The following SLC44A5 variants were observed in gnomAD, a reference collection of about 807,000 sequenced individuals.
SLC44A5 encodes the protein choline transporter-like protein 5.
In SLC44A5, 57 loss-of-function variants were observed where a neutral mutation model predicts 101.8. The observed-to-expected ratio is 0.56, with a 90% CI of 0.45 to 0.70. The LOEUF is 0.70. Ranked by LOEUF, SLC44A5 falls within the 30% of genes least tolerant of loss-of-function variation. The pLI is 0.00. For missense variants in SLC44A5, 737 were observed against 853.1 expected (o/e 0.86, Z 1.70); for synonymous variants, 281 against 290.9 (o/e 0.97, Z 0.35).
At chr1:75,443,234 TAAG>T (rs938024627) in intron 2 of SLC44A5, among the ~76,000 whole-genome samples, 1 of 151,804 alleles carries the variant, frequency 6.6e-6, no homozygotes, top group Non-Finnish European at 1.5e-5. Flanking sequence ...GCTTTGAACT[TAAG>T]AAGTCAGAAA....
At chr1:75,713,330 T>G in the SLC44A5 span, among the ~76,000 whole-genome samples, 1 of 152,230 alleles carries the variant, frequency 6.6e-6, no homozygotes, top group East Asian at 1.9e-4. Flanking sequence ...AGTCTCCAAC[T>G]ATTTCCTCCA....
chr1:75,230,656 G>A (rs1647469672), intron 12 of SLC44A5, among the ~76,000 whole-genome samples: 1 of 147,680 alleles, frequency 6.8e-6, no homozygotes, highest in Non-Finnish European at 1.5e-5. Context: ...TTATTCTGTT[G>A]CCCAGGCTGG....
intron 6 of SLC44A5, among the ~76,000 whole-genome samples, chr1:75,264,695 G>A (rs892756494): frequency 1.3e-5 from 2 of 151,782 alleles, no homozygotes; most frequent in African/African-American, 4.8e-5. Flanking sequence ...ATAAAAGTAC[G>A]AAGACAATCT....
At chr1:75,613,654 A>C (rs1277789667), upstream of SLC44A5, among the ~76,000 whole-genome samples, 1 of 152,236 alleles carries the variant, frequency 6.6e-6, no homozygotes, top group African/African-American at 2.4e-5. Context: ...AGAAAACCTT[A>C]TTTTTAAAGT....
chr1:75,703,203 A>G, the SLC44A5 span, among the ~76,000 whole-genome samples: 1 of 151,646 alleles, frequency 6.6e-6, no homozygotes, highest in African/African-American at 2.4e-5. Context: ...ATGAAGACAC[A>G]TGCACACATA....
intron 2 of SLC44A5, among the ~76,000 whole-genome samples, chr1:75,537,033 A>AATATATATATATATATATATAT (rs61399659): frequency 1.2e-4 from 5 of 43,036 alleles, no homozygotes; most frequent in African/African-American, 2.7e-4. Flanking sequence ...AAAAAAAAAA[A>AATATATATATATATATATATAT]ATATATATCT....
intron 6 of SLC44A5, among the ~76,000 whole-genome samples, chr1:75,260,198 T>C (rs985248205): frequency 3.3e-5 from 5 of 152,118 alleles, no homozygotes; most frequent in Non-Finnish European, 7.3e-5. Flanking sequence ...TAAATGTAAA[T>C]GGGCTAACTG....
chr1:75,438,452 C>A (rs544014572), intron 2 of SLC44A5, among the ~76,000 whole-genome samples: 4 of 152,194 alleles, frequency 2.6e-5, no homozygotes, highest in South Asian at 2.1e-4. Flanking sequence ...ATCTCTATAA[C>A]CACCACCAAA....
chr1:75,242,116 T>C (rs549376700), intron 8 of SLC44A5, 55 bp from the exon 9 acceptor site: 7 of 1,398,234 alleles, frequency 5.0e-6, no homozygotes, highest in Middle Eastern at 1.8e-4. Context: ...GATTACTTTA[T>C]ACTGAATCTA....
intron 2 of SLC44A5, among the ~76,000 whole-genome samples, chr1:75,420,145 G>A (rs375866759): frequency 1.2e-4 from 18 of 152,032 alleles, no homozygotes; most frequent in African/African-American, 4.1e-4. Context: ...ATCTATAAAC[G>A]AGGAAACAGG....
At chr1:75,449,965 C>T (rs1388403241) in intron 2 of SLC44A5, among the ~76,000 whole-genome samples, 1 of 152,060 alleles carries the variant, frequency 6.6e-6, no homozygotes, top group Non-Finnish European at 1.5e-5. Context: ...CATGCCACTG[C>T]ACTCCAGCCT....
chr1:75,498,222 C>T (rs1032052387), intron 2 of SLC44A5, among the ~76,000 whole-genome samples: 1 of 152,046 alleles, frequency 6.6e-6, no homozygotes, highest in Non-Finnish European at 1.5e-5. Flanking sequence ...TTCTTAAAAC[C>T]TGGTTTTAGG....
chr1:75,275,066 T>C, intron 5 of SLC44A5, 24 bp from the exon 6 acceptor site: 1 of 1,599,060 alleles, frequency 6.3e-7, no homozygotes. Flanking sequence ...AAAGGACAAA[T>C]ATGCTATCAG....
At chr1:75,695,628 G>A in the SLC44A5 span, among the ~76,000 whole-genome samples, 2 of 151,102 alleles carry the variant, frequency 1.3e-5, no homozygotes, top group African/African-American at 4.8e-5. Flanking sequence ...TACTAAATTT[G>A]TAGGGAAACA....
intron 6 of SLC44A5, among the ~76,000 whole-genome samples, chr1:75,260,511 C>A (rs1650400889): frequency 6.6e-6 from 1 of 151,942 alleles, no homozygotes; most frequent in South Asian, 2.1e-4. Flanking sequence ...ACAGGAACAC[C>A]CAGATTATAA....
chr1:75,579,603 C>T (rs1454273961), intron 1 of SLC44A5, among the ~76,000 whole-genome samples: 1 of 152,008 alleles, frequency 6.6e-6, no homozygotes, highest in Non-Finnish European at 1.5e-5. Context: ...TTGCTTGAAC[C>T]CAATGCATTT....
At chr1:75,320,243 T>C (rs907578963) in intron 4 of SLC44A5, among the ~76,000 whole-genome samples, 18 of 151,976 alleles carry the variant, frequency 1.2e-4, no homozygotes, top group Non-Finnish European at 2.2e-4. Context: ...GAGAATGGTA[T>C]CAAACTATAT....
At chr1:75,548,562 T>G (rs1022368422) in intron 1 of SLC44A5, among the ~76,000 whole-genome samples, 1 of 152,150 alleles carries the variant, frequency 6.6e-6, no homozygotes, top group Non-Finnish European at 1.5e-5. Context: ...CAAGTAACCA[T>G]GTCAAGAAAT....
intron 3 of SLC44A5, among the ~76,000 whole-genome samples, chr1:75,376,554 C>A (rs985884215): frequency 1.3e-5 from 2 of 151,978 alleles, no homozygotes; most frequent in Non-Finnish European, 2.9e-5. Context: ...TGGGAGGCAC[C>A]CCCCAGCAGG....
Sources: allele counts gnomAD v4.1 joint callset (sites outside exome capture counted in the v4.1 genomes callset), GRCh38; gene constraint gnomAD v4.1.1; transcripts MANE v1.5; gene names NCBI Gene and HGNC (gene_info 2026-07-23, HGNC 2026-07-21).